Variants in ITGBL1 observed in about 807,000 individuals in gnomAD.
The protein encoded by ITGBL1 is integrin subunit beta like 1, also known as integrin beta-like protein 1.
In ITGBL1, 51 loss-of-function variants were observed where a neutral mutation model predicts 68.5. That is an observed-to-expected ratio of 0.74 (90% confidence interval 0.59 to 0.94). ITGBL1 has a LOEUF of 0.94. Ranked by LOEUF, ITGBL1 falls within the 40% of genes least tolerant of loss-of-function variation. The probability of loss-of-function intolerance (pLI) is 0.00; values close to 1 mark genes in which losing one functional copy is unlikely to be tolerated. For synonymous variants in ITGBL1, 209 were observed against 227.3 expected (o/e 0.92, Z 0.72); for missense variants, 649 against 647.4 (o/e 1.00, Z -0.03).
chr13:101,558,059 G>A lies in ITGBL1; in HGVS notation c.317-9640G>A, dbSNP rs1369971318. On this transcript the variant is annotated intron_variant, in intron 2 of 10. Coordinates refer to ENST00000376180, the MANE Select transcript of ITGBL1 (RefSeq NM_004791.3). ...AGCCGAGATCGCGCCACTCCAGCCT[G>A]GGAGACAGAGCAAAACTCCGTCTCA... Among the ~76,000 whole-genome samples the A allele has an allele frequency of 3.3e-5, 4 of 120,478 alleles. No homozygotes were observed. In the East Asian group the frequency reaches 9.9e-4, roughly 30 times the overall value. 79.0% of individuals were successfully genotyped at this position (120,478 alleles called of 152,430 possible). A position where few individuals can be genotyped will look rare whatever the true frequency, so the allele number is the denominator to read the frequency against.
intron 7 of ITGBL1, among the ~76,000 whole-genome samples, chr13:101,638,951 A>G (rs901090731): frequency 6.6e-6 from 1 of 152,174 alleles, no homozygotes; most frequent in African/African-American, 2.4e-5. Flanking sequence ...AACTGTATTT[A>G]TTATTAATTT....
chr13:101,678,575 C>T (rs556619395), intron 7 of ITGBL1, among the ~76,000 whole-genome samples: 67 of 151,414 alleles, frequency 4.4e-4, no homozygotes, highest in South Asian at 1.7e-3. Flanking sequence ...TCTCGGCTCA[C>T]TGCAACCTCT....
At chr13:101,594,714 G>T (rs1286775806) in intron 6 of ITGBL1, among the ~76,000 whole-genome samples, 1 of 152,108 alleles carries the variant, frequency 6.6e-6, no homozygotes, top group African/African-American at 2.4e-5. Flanking sequence ...AAATATATGA[G>T]TTCTAGTCCA....
chr13:101,695,836 A>G (rs982242046), intron 8 of ITGBL1, among the ~76,000 whole-genome samples: 1 of 152,230 alleles, frequency 6.6e-6, no homozygotes, highest in African/African-American at 2.4e-5. Flanking sequence ...GCTCATGGTC[A>G]TAATGATTTA....
intron 7 of ITGBL1, among the ~76,000 whole-genome samples, chr13:101,654,058 C>G (rs915296295): frequency 6.6e-6 from 1 of 151,718 alleles, no homozygotes; most frequent in African/African-American, 2.4e-5. Flanking sequence ...AATGACAAGA[C>G]AGTGAACAAA....
At position 101,689,855 on chromosome 13, in the gene ITGBL1, C is replaced by A. The variant is rs550700353; in HGVS notation, c.1016-2730C>A. Among the ~76,000 whole-genome samples the A allele has an allele frequency of 7.9e-5, 12 of 152,232 alleles. No individual in the cohort carries two copies. In the South Asian group the frequency reaches 2.1e-3, roughly 26 times the overall value. On this transcript the variant is annotated intron_variant, in intron 7 of 10. Transcript: ENST00000376180. ...CTCAAGAATTTATCCTTTTGAGTTA[C>A]AAATAATTCAGTTACACTTTTTCAC...
At chr13:101,456,121 C>G (rs7997791) in intron 2 of ITGBL1, among the ~76,000 whole-genome samples, 2 of 152,064 alleles carry the variant, frequency 1.3e-5, no homozygotes, top group South Asian at 4.1e-4. Context: ...CTTCTTGATA[C>G]GAAATGCAGG....
chr13:101,527,769 A>G (rs968212437), intron 2 of ITGBL1, among the ~76,000 whole-genome samples: 2 of 152,030 alleles, frequency 1.3e-5, no homozygotes, highest in East Asian at 1.9e-4. Flanking sequence ...ATCAAATTTC[A>G]CTGATAAGTA....
chr13:101,483,869 T>C (rs978504835), intron 2 of ITGBL1, among the ~76,000 whole-genome samples: 2 of 152,148 alleles, frequency 1.3e-5, no homozygotes, highest in African/African-American at 4.8e-5. Context: ...TTAAGATAAT[T>C]AAAGTATCAA....
At chr13:101,578,396 A>T (rs1594901168) in intron 4 of ITGBL1, among the ~76,000 whole-genome samples, 1 of 152,344 alleles carries the variant, frequency 6.6e-6, no homozygotes, top group East Asian at 1.9e-4. Context: ...TAGACTAAAA[A>T]CAAAACAAGA....
At chr13:101,497,706 G>C (rs1010655072) in intron 2 of ITGBL1, among the ~76,000 whole-genome samples, 2 of 152,124 alleles carry the variant, frequency 1.3e-5, no homozygotes, top group African/African-American at 4.8e-5. Flanking sequence ...GGAAGCTCTC[G>C]GTCCTTACTC....
At chr13:101,511,918 C>T (rs537709017) in intron 2 of ITGBL1, among the ~76,000 whole-genome samples, 3 of 152,216 alleles carry the variant, frequency 2.0e-5, no homozygotes, top group African/African-American at 7.2e-5. Flanking sequence ...AAAATGAAAA[C>T]CAGAAGTCTC....
intron 1 of ITGBL1, among the ~76,000 whole-genome samples, chr13:101,453,602 C>T (rs988336428): frequency 5.9e-5 from 9 of 152,192 alleles, no homozygotes; most frequent in African/African-American, 1.9e-4. Flanking sequence ...CAGGGCAGTT[C>T]ACCTCTGTCC....
At chr13:101,660,155 G>A (rs1208420330) in intron 7 of ITGBL1, among the ~76,000 whole-genome samples, 1 of 152,158 alleles carries the variant, frequency 6.6e-6, no homozygotes, top group Non-Finnish European at 1.5e-5. Context: ...TAAAGAAATA[G>A]TTTAATAAAG....
rs66501713 is a variant in ITGBL1 at position 101,671,426 on chromosome 13, G to GTT, written c.1016-21150_1016-21149dup. ...AGCTATTTGACAAAAGTATACCTTT[G>GTT]TTTTTTTTTTGTTTTTTTTTGTTTT... is the stretch of plus-strand genomic sequence containing the variant. On this transcript the variant is annotated intron_variant, in intron 7 of 10. Coordinates refer to ENST00000376180, the MANE Select transcript of ITGBL1 (RefSeq NM_004791.3). Among the ~76,000 whole-genome samples the GTT allele has an allele frequency of 4.3e-3, 485 of 112,608 alleles. 72 individuals carry two copies. The highest frequency in any genetic ancestry group is 9.7e-3 in the Admixed American group (89 of 9,130). 73.9% of individuals were successfully genotyped at this position (112,608 alleles called of 152,430 possible). A position where few individuals can be genotyped will look rare whatever the true frequency, so the allele number is the denominator to read the frequency against.
intron 8 of ITGBL1, among the ~76,000 whole-genome samples, chr13:101,696,740 A>ATC (rs140757420): frequency 6.6e-6 from 1 of 152,068 alleles, no homozygotes; most frequent in African/African-American, 2.4e-5. Context: ...GATATAATCA[A>ATC]TCTCTCTCTC....
intron 9 of ITGBL1, chr13:101,713,445 AAAAG>A (rs2139612969): frequency 6.6e-6 from 1 of 152,328 alleles, no homozygotes; most frequent in African/African-American, 2.4e-5. Flanking sequence ...TTTTGACTCA[AAAAG>A]AATACAGCCA....
At chr13:101,531,587 G>A (rs1167582738) in intron 2 of ITGBL1, among the ~76,000 whole-genome samples, 2 of 138,076 alleles carry the variant, frequency 1.4e-5, no homozygotes, top group East Asian at 2.4e-4. Flanking sequence ...CGCTACACCC[G>A]ATTACTTCAT....
At chr13:101,671,427 T>A (rs1188557485) in intron 7 of ITGBL1, among the ~76,000 whole-genome samples, 2 of 73,446 alleles carry the variant, frequency 2.7e-5, no homozygotes, top group African/African-American at 7.4e-5. Flanking sequence ...TATACCTTTG[T>A]TTTTTTTTTG....
Sources: allele counts gnomAD v4.1 joint callset (sites outside exome capture counted in the v4.1 genomes callset), GRCh38; gene constraint gnomAD v4.1.1; transcripts MANE v1.5; gene names NCBI Gene and HGNC (gene_info 2026-07-23, HGNC 2026-07-21).